SOX6: variants seen among roughly 807,000 people sequenced by gnomAD.
The protein encoded by SOX6 is transcription factor SOX-6.
A neutral mutation model predicts 97.8 loss-of-function variants in SOX6; 11 were observed. The observed-to-expected ratio is 0.11, with a 90% CI of 0.07 to 0.19. The LOEUF is 0.19. Among genes scored for constraint, SOX6 ranks in the 10% least tolerant of loss-of-function variants. The pLI, the probability that SOX6 is intolerant of heterozygous loss-of-function variation, is 1.00. For missense variants in SOX6, 810 were observed against 1,039.5 expected, an observed-to-expected ratio of 0.78 and a Z score of 3.04; for synonymous variants, 360 against 371.4, an observed-to-expected ratio of 0.97 and a Z score of 0.35.
At chr11:16,469,503 A>T (rs1860103441) in intron 1 of SOX6, among the ~76,000 whole-genome samples, 1 of 152,130 alleles carries the variant, frequency 6.6e-6, no homozygotes, top group Non-Finnish European at 1.5e-5. Context: ...CAAATCAAAA[A>T]TTAAGACACA....
chr11:15,995,461 G>A (rs1224098472), intron 13 of SOX6, among the ~76,000 whole-genome samples: 1 of 152,022 alleles, frequency 6.6e-6, no homozygotes, highest in Non-Finnish European at 1.5e-5. Context: ...GAAGATAATA[G>A]AATACAGAGT....
rs1190785555 is a variant in SOX6 at position 16,305,448 on chromosome 11, C to T, written c.445+12998G>A. Among the ~76,000 whole-genome samples the T allele has an allele frequency of 2.0e-5, 3 of 152,304 alleles. No individual in the cohort carries two copies. The East Asian group carries it at 5.8e-4, about 29-fold the overall frequency. On this transcript the variant is annotated intron_variant, in intron 3 of 15. Transcript: ENST00000683767. ...ATGCAGAGATGCTGGATCACTCATA[C>T]ATTGTGGGTGGCAATGTAAAATGGT...
chr11:16,315,628 T>C (rs1855737906), intron 3 of SOX6: 1 of 152,166 alleles, frequency 6.6e-6, no homozygotes, highest in African/African-American at 2.4e-5. Flanking sequence ...ATATTCCATA[T>C]AGACAGCTAC....
chr11:16,211,114 T>A (rs2351956), intron 4 of SOX6, among the ~76,000 whole-genome samples: 75,001 of 151,784 alleles, frequency 0.49, 18,717 homozygotes, highest in South Asian at 0.63. Context: ...TAAAAAAATT[T>A]AAAAAGCAAA....
intron 1 of SOX6, among the ~76,000 whole-genome samples, chr11:16,398,832 A>G (rs1338752218): frequency 6.6e-6 from 1 of 150,892 alleles, no homozygotes; most frequent in East Asian, 1.9e-4. Flanking sequence ...AAAAAAAACC[A>G]TAAAAACCTA....
chr11:16,368,946 TG>T (rs1857431030), intron 1 of SOX6, among the ~76,000 whole-genome samples: 1 of 152,164 alleles, frequency 6.6e-6, no homozygotes, highest in African/African-American at 2.4e-5. Context: ...CTCCAAAGTA[TG>T]TATATAGGCC....
intron 3 of SOX6, among the ~76,000 whole-genome samples, chr11:16,269,587 A>T (rs12274377): frequency 0.39 from 58,971 of 150,450 alleles, 12,300 homozygotes; most frequent in East Asian, 0.48. Flanking sequence ...ATGTCGTTTT[A>T]TTTGTTCAGA....
chr11:16,171,559 A>T lies in SOX6; in HGVS notation c.777+12327T>A, dbSNP rs184210889. Among the ~76,000 whole-genome samples, 33 of 152,082 alleles carry T rather than the reference A, an allele frequency of 2.2e-4. No individual in the cohort carries two copies. The East Asian group carries it at 5.8e-3, about 27-fold the overall frequency. On this transcript the variant is annotated intron_variant, in intron 6 of 15. Coordinates refer to ENST00000683767, the MANE Select transcript of SOX6 (RefSeq NM_001367873.1). ...AATAATATCTTTTTTTAAATTTTAA[A>T]CCACAAATCACATCCTGCAGGCCTT...
intron 1 of SOX6, among the ~76,000 whole-genome samples, chr11:16,412,747 T>C (rs1858847173): frequency 6.6e-6 from 1 of 152,220 alleles, no homozygotes; most frequent in Admixed American, 6.5e-5. Context: ...TCCTTCTCTC[T>C]CTCAGGCAGG....
intron 4 of SOX6, among the ~76,000 whole-genome samples, chr11:16,215,946 C>A (rs1390528020): frequency 6.6e-6 from 1 of 152,112 alleles, no homozygotes; most frequent in African/African-American, 2.4e-5. Flanking sequence ...CCAATAATGT[C>A]TAGAGTAGAT....
intron 3 of SOX6, among the ~76,000 whole-genome samples, chr11:16,636,730 G>T (rs1354053594): frequency 6.6e-6 from 1 of 152,064 alleles, no homozygotes; most frequent in East Asian, 1.9e-4. Context: ...TTGAATCATG[G>T]GGGCAGTTGC....
chr11:16,323,306 G>A (rs1398383176), intron 2 of SOX6, among the ~76,000 whole-genome samples: 4 of 151,942 alleles, frequency 2.6e-5, no homozygotes, highest in East Asian at 1.9e-4. Flanking sequence ...TTTCCATATC[G>A]GCAAAAATAG....
At chr11:16,487,520 G>T (rs1860456443) in intron 4 of SOX6, among the ~76,000 whole-genome samples, 1 of 152,216 alleles carries the variant, frequency 6.6e-6, no homozygotes, top group Admixed American at 6.5e-5. Flanking sequence ...TATCCTTGCT[G>T]AGTTTTCTCT....
At chr11:16,406,912 G>A (rs979738644) in intron 1 of SOX6, among the ~76,000 whole-genome samples, 1 of 152,000 alleles carries the variant, frequency 6.6e-6, no homozygotes, top group African/African-American at 2.4e-5. Flanking sequence ...TTCTTAAAAA[G>A]ATAATTAACA....
chr11:16,513,334 G>A (rs1590228826), intron 4 of SOX6, among the ~76,000 whole-genome samples: 1 of 152,170 alleles, frequency 6.6e-6, no homozygotes, highest in Non-Finnish European at 1.5e-5. Flanking sequence ...AGGGGATAAA[G>A]TAAAACAGTG....
intron 11 of SOX6, among the ~76,000 whole-genome samples, chr11:16,047,297 A>G (rs565500156): frequency 1.3e-5 from 2 of 152,122 alleles, no homozygotes; most frequent in African/African-American, 4.8e-5. Context: ...TGGCTGGTTA[A>G]TGAAGCATTC....
intron 4 of SOX6, among the ~76,000 whole-genome samples, chr11:16,513,474 A>C (rs1860913215): frequency 6.6e-6 from 1 of 152,098 alleles, no homozygotes. Flanking sequence ...CTCTACTAAA[A>C]ATACAGAAAT....
At chr11:16,725,082 T>C (rs1848296713) in intron 2 of SOX6, among the ~76,000 whole-genome samples, 1 of 152,198 alleles carries the variant, frequency 6.6e-6, no homozygotes, top group African/African-American at 2.4e-5. Flanking sequence ...TGCAGCATTA[T>C]TCATAATAGA....
chr11:16,360,827 C>A (rs1303742594), upstream of SOX6, among the ~76,000 whole-genome samples: 1 of 152,046 alleles, frequency 6.6e-6, no homozygotes, highest in Non-Finnish European at 1.5e-5. Flanking sequence ...CATGGTGAAA[C>A]CCCGTCTCTA....
Sources: gnomAD v4.1 joint callset for allele counts (sites outside exome capture counted in the v4.1 genomes callset) on GRCh38, gnomAD v4.1.1 for gene constraint, MANE v1.5 for transcripts, NCBI Gene and HGNC (gene_info 2026-07-23, HGNC 2026-07-21) for gene names.